Variants in TMEM132C observed in about 807,000 individuals in gnomAD.
The protein encoded by TMEM132C is transmembrane protein 132C, also known as protein phosphatase 1, regulatory subunit 152.
In TMEM132C, 29 loss-of-function variants were observed where a neutral mutation model predicts 61.4. The ratio of observed to expected loss-of-function variants is 0.47; its 90% CI spans 0.35 to 0.64. TMEM132C has a LOEUF of 0.64. TMEM132C is among the 30% of genes least tolerant of loss of function. The pLI, the probability that TMEM132C is intolerant of heterozygous loss-of-function variation, is 0.00. For missense variants in TMEM132C, 1,408 were observed against 1,476.9 expected (o/e 0.95, Z 0.76); for synonymous variants, 656 against 633.1 (o/e 1.04, Z -0.54).
chr12:128,423,970 C>A (rs1203277977), intron 2 of TMEM132C, among the ~76,000 whole-genome samples: 1 of 149,452 alleles, frequency 6.7e-6, no homozygotes, highest in Non-Finnish European at 1.5e-5. Flanking sequence ...TGGCATGAAC[C>A]CAGGAGGCGG....
chr12:128,538,150 C>T (rs1040035254), intron 2 of TMEM132C, among the ~76,000 whole-genome samples: 4 of 151,762 alleles, frequency 2.6e-5, no homozygotes, highest in African/African-American at 7.3e-5. Context: ...GATGGAGTCT[C>T]GTTCTTGTTG....
intron 4 of TMEM132C, among the ~76,000 whole-genome samples, chr12:128,646,843 T>A (rs1228810541): frequency 6.6e-6 from 1 of 152,010 alleles, no homozygotes; most frequent in Non-Finnish European, 1.5e-5. Flanking sequence ...TGTGAGTGTG[T>A]TTAGCTCAGT....
intron 1 of TMEM132C, among the ~76,000 whole-genome samples, chr12:128,371,441 C>T (rs1461878608): frequency 6.6e-6 from 1 of 152,208 alleles, no homozygotes; most frequent in Non-Finnish European, 1.5e-5. Flanking sequence ...TCAGAGCCAA[C>T]AGACTCATCT....
At chr12:128,337,795 C>A (rs747960661) in intron 1 of TMEM132C, among the ~76,000 whole-genome samples, 1 of 152,168 alleles carries the variant, frequency 6.6e-6, no homozygotes, top group Non-Finnish European at 1.5e-5. Flanking sequence ...TCTGTCAGAC[C>A]TTTTTATCCT....
intron 2 of TMEM132C, among the ~76,000 whole-genome samples, chr12:128,431,889 A>T (rs982343213): frequency 6.6e-6 from 1 of 152,116 alleles, no homozygotes; most frequent in South Asian, 2.1e-4. Flanking sequence ...AGCTTCAAAG[A>T]GCAGGCTAAC....
intron 5 of TMEM132C, among the ~76,000 whole-genome samples, chr12:128,684,220 C>T (rs1231884471): frequency 6.6e-6 from 1 of 151,760 alleles, no homozygotes; most frequent in Admixed American, 6.6e-5. Flanking sequence ...CTCTCCCACT[C>T]GTTTCTGTAT....
intron 2 of TMEM132C, among the ~76,000 whole-genome samples, chr12:128,478,367 G>T (rs1255682077): frequency 2.6e-5 from 4 of 152,072 alleles, no homozygotes; most frequent in South Asian, 2.1e-4. Context: ...ACTAGCAAAG[G>T]CTCACTTCCA....
intron 3 of TMEM132C, among the ~76,000 whole-genome samples, chr12:128,547,400 A>C (rs1040044315): frequency 9.0e-4 from 12 of 13,382 alleles, no homozygotes; most frequent in Non-Finnish European, 2.5e-3. Context: ...CTAAAAATAC[A>C]AAAAAAAAAA....
chr12:128,479,347 C>T (rs111852404), intron 2 of TMEM132C, among the ~76,000 whole-genome samples: 2,893 of 152,180 alleles, frequency 0.019, 81 homozygotes, highest in African/African-American at 0.06. Context: ...GCACTTGCAC[C>T]CCTAAACTTA....
At chr12:128,520,995 G>A (rs956886507) in intron 2 of TMEM132C, among the ~76,000 whole-genome samples, 2 of 151,670 alleles carry the variant, frequency 1.3e-5, no homozygotes, top group Non-Finnish European at 2.9e-5. Flanking sequence ...TGAAAGGAAA[G>A]GAATGTGCTT....
At chr12:128,453,854 A>G (rs551645299) in intron 2 of TMEM132C, among the ~76,000 whole-genome samples, 7 of 152,282 alleles carry the variant, frequency 4.6e-5, no homozygotes, top group African/African-American at 1.7e-4. Context: ...GCCAAGAAAG[A>G]TGATAGGTTT....
At chr12:128,372,240 C>T (rs1302514154) in intron 1 of TMEM132C, among the ~76,000 whole-genome samples, 1 of 152,164 alleles carries the variant, frequency 6.6e-6, no homozygotes, top group Non-Finnish European at 1.5e-5. Context: ...TGAATCTTAG[C>T]TTTTTACAAC....
chr12:128,507,794 G>T (rs184469743), intron 2 of TMEM132C, among the ~76,000 whole-genome samples: 1 of 152,278 alleles, frequency 6.6e-6, no homozygotes, highest in Admixed American at 6.5e-5. Flanking sequence ...CCAAGGCTCC[G>T]CAGACTTCTC....
chr12:128,537,488 A>G (rs1873574197), intron 2 of TMEM132C, among the ~76,000 whole-genome samples: 1 of 152,208 alleles, frequency 6.6e-6, no homozygotes. Flanking sequence ...GGTCCGTTCC[A>G]TCTGTTGGGT....
At chr12:128,520,030 A>G (rs1448473733) in intron 2 of TMEM132C, among the ~76,000 whole-genome samples, 5 of 152,184 alleles carry the variant, frequency 3.3e-5, no homozygotes, top group African/African-American at 1.2e-4. Flanking sequence ...AGCCCCTCTC[A>G]TATCATTTAA....
chr12:128,609,602 C>T (rs1876557680), intron 3 of TMEM132C, among the ~76,000 whole-genome samples: 1 of 152,094 alleles, frequency 6.6e-6, no homozygotes, highest in African/African-American at 2.4e-5. Flanking sequence ...TTCAAGGGTG[C>T]TTGGAAATAG....
At chr12:128,690,761 GAGA>G (rs1954713885) in intron 5 of TMEM132C, among the ~76,000 whole-genome samples, 1 of 152,124 alleles carries the variant, frequency 6.6e-6, no homozygotes, top group South Asian at 2.1e-4. Context: ...GACCATGAAT[GAGA>G]AGATCCATCC....
chr12:128,455,120 T>C (rs1870298676), intron 2 of TMEM132C, among the ~76,000 whole-genome samples: 1 of 152,252 alleles, frequency 6.6e-6, no homozygotes, highest in Admixed American at 6.5e-5. Context: ...TTTTCTGCTG[T>C]GACTACAGAG....
intron 2 of TMEM132C, among the ~76,000 whole-genome samples, chr12:128,418,546 C>A (rs983508018): frequency 6.6e-6 from 1 of 152,116 alleles, no homozygotes; most frequent in African/African-American, 2.4e-5. Context: ...AACAAATTAA[C>A]GTTTTATGTT....
Sources: gnomAD v4.1 joint callset for allele counts (sites outside exome capture counted in the v4.1 genomes callset) on GRCh38, gnomAD v4.1.1 for gene constraint, MANE v1.5 for transcripts, NCBI Gene and HGNC (gene_info 2026-07-23, HGNC 2026-07-21) for gene names.